Variants in CCDC148 observed in about 807,000 individuals in gnomAD.
The protein encoded by CCDC148 is coiled-coil domain-containing protein 148.
Under a neutral mutation model 85.7 loss-of-function variants are expected in CCDC148, and 89 were observed. The ratio of observed to expected loss-of-function variants is 1.04; its 90% CI spans 0.87 to 1.24. CCDC148 has a LOEUF of 1.24. Among genes scored for constraint, CCDC148 ranks in the 50% most tolerant of loss-of-function variants. The pLI is 0.00. For missense variants in CCDC148, 692 were observed against 671.7 expected (o/e 1.03, Z -0.33); for synonymous variants, 230 against 213.9 (o/e 1.08, Z -0.66).
rs554898110 is a variant in CCDC148 at position 158,187,721 on chromosome 2, C to T, written c.1371-8725G>A. On this transcript the variant is annotated intron_variant, in intron 11 of 13. Transcript: ENST00000283233. ...TTCATTCCTTTTACCAGCTTCTCCT[C>T]GTCTGTCTACCCAAAGTTCCAACAT... 1.5e-4 allele frequency among the ~76,000 whole-genome samples: 23 copies of T among 152,096 alleles called. No homozygotes were observed. The East Asian group carries it at 1.6e-3, about 10-fold the overall frequency.
At chr2:158,330,785 G>C (rs1443939323) in intron 7 of CCDC148, among the ~76,000 whole-genome samples, 1 of 152,136 alleles carries the variant, frequency 6.6e-6, no homozygotes, top group Non-Finnish European at 1.5e-5. Flanking sequence ...AGAACTTCTA[G>C]TTTATTTGCA....
At chr2:158,173,693 C>T (rs1046380131) in intron 13 of CCDC148, among the ~76,000 whole-genome samples, 15 of 151,950 alleles carry the variant, frequency 9.9e-5, no homozygotes, top group African/African-American at 3.1e-4. Flanking sequence ...AAGAATAATA[C>T]AGAGATTTGT....
intron 9 of CCDC148, among the ~76,000 whole-genome samples, chr2:158,261,283 C>T (rs559399598): frequency 3.9e-5 from 6 of 152,000 alleles, no homozygotes; most frequent in Admixed American, 6.6e-5. Flanking sequence ...ACTCCCTATT[C>T]AATAAACGGT....
At chr2:158,406,613 C>CTTTTTTT (rs61612452) in intron 1 of CCDC148, among the ~76,000 whole-genome samples, 4 of 31,448 alleles carry the variant, frequency 1.3e-4, no homozygotes, top group African/African-American at 3.9e-4. Flanking sequence ...GATTAAATTT[C>CTTTTTTT]TTTTTTTTTT....
chr2:158,268,119 T>C (rs551201791), intron 9 of CCDC148, among the ~76,000 whole-genome samples: 2 of 152,210 alleles, frequency 1.3e-5, no homozygotes, highest in African/African-American at 2.4e-5. Flanking sequence ...ATCAGTAGCA[T>C]TGCTGAGTCG....
At chr2:158,270,847 T>C (rs550128708) in intron 9 of CCDC148, among the ~76,000 whole-genome samples, 16 of 152,204 alleles carry the variant, frequency 1.1e-4, no homozygotes, top group Admixed American at 2.6e-4. Flanking sequence ...ATTTTCAAAA[T>C]GGTAAAAGCT....
intron 1 of CCDC148, among the ~76,000 whole-genome samples, chr2:158,376,100 C>G (rs1233021717): frequency 1.3e-5 from 2 of 152,016 alleles, no homozygotes; most frequent in African/African-American, 4.8e-5. Flanking sequence ...AAAAATTGTT[C>G]TAGAAAAACA....
chr2:158,410,590 G>A (rs1421095310), intron 1 of CCDC148, among the ~76,000 whole-genome samples: 2 of 151,860 alleles, frequency 1.3e-5, no homozygotes, highest in African/African-American at 4.8e-5. Flanking sequence ...ATTTTAAATC[G>A]ATATCAACAA....
intron 9 of CCDC148, among the ~76,000 whole-genome samples, chr2:158,296,022 T>G (rs1691171418): frequency 6.6e-6 from 1 of 152,238 alleles, no homozygotes; most frequent in Admixed American, 6.5e-5. Flanking sequence ...AATATTTTCT[T>G]CTAGTGGATG....
chr2:158,400,887 A>G (rs897379817), intron 1 of CCDC148, among the ~76,000 whole-genome samples: 2 of 152,232 alleles, frequency 1.3e-5, no homozygotes, highest in Non-Finnish European at 2.9e-5. Context: ...AAAAGTGGGC[A>G]AAGGATATGA....
intron 1 of CCDC148, among the ~76,000 whole-genome samples, chr2:158,358,890 C>G (rs898447720): frequency 6.6e-6 from 1 of 151,884 alleles, no homozygotes; most frequent in South Asian, 2.1e-4. Flanking sequence ...ACTGTTAACC[C>G]ATTCTTTTTA....
chr2:158,342,238 T>C (rs551898502), intron 3 of CCDC148, among the ~76,000 whole-genome samples: 20 of 151,816 alleles, frequency 1.3e-4, no homozygotes, highest in Non-Finnish European at 2.4e-4. Context: ...CCATGTTGGC[T>C]AGGCTAGTCT....
chr2:158,227,652 G>A (rs573970414), intron 10 of CCDC148, among the ~76,000 whole-genome samples: 11 of 152,024 alleles, frequency 7.2e-5, no homozygotes, highest in South Asian at 2.1e-4. Context: ...AAATAATGCC[G>A]CATATCTACA....
At chr2:158,173,165 C>CTA (rs971468556) in intron 13 of CCDC148, among the ~76,000 whole-genome samples, 1 of 151,996 alleles carries the variant, frequency 6.6e-6, no homozygotes, top group African/African-American at 2.4e-5. Context: ...AGCAATTGAA[C>CTA]TACCCTTAAA....
At chr2:158,292,522 T>C (rs923714004) in intron 9 of CCDC148, among the ~76,000 whole-genome samples, 10 of 152,334 alleles carry the variant, frequency 6.6e-5, no homozygotes, top group African/African-American at 2.2e-4. Flanking sequence ...TGAAATTCTC[T>C]TGATAAAAGC....
intron 7 of CCDC148, among the ~76,000 whole-genome samples, chr2:158,315,930 G>A (rs781177025): frequency 2.6e-5 from 4 of 152,128 alleles, no homozygotes; most frequent in African/African-American, 4.8e-5. Flanking sequence ...AGCAAACCAT[G>A]GCCAGTCTCC....
chr2:158,406,373 G>A (rs1015342745), intron 1 of CCDC148, among the ~76,000 whole-genome samples: 1 of 152,014 alleles, frequency 6.6e-6, no homozygotes, highest in Non-Finnish European at 1.5e-5. Context: ...CATGGTGCTC[G>A]CTAGGCCACA....
At chr2:158,212,699 T>C (rs1017731693) in intron 11 of CCDC148, among the ~76,000 whole-genome samples, 2 of 152,218 alleles carry the variant, frequency 1.3e-5, no homozygotes, top group Non-Finnish European at 2.9e-5. Flanking sequence ...TTTTTTGTAC[T>C]GTGGAAAGCA....
intron 10 of CCDC148, among the ~76,000 whole-genome samples, chr2:158,229,925 C>A (rs995756933): frequency 1.1e-4 from 17 of 152,102 alleles, no homozygotes; most frequent in African/African-American, 4.1e-4. Context: ...TCGCTTTTTC[C>A]CATGTGCACA....
Sources: allele counts gnomAD v4.1 joint callset (sites outside exome capture counted in the v4.1 genomes callset), GRCh38; gene constraint gnomAD v4.1.1; transcripts MANE v1.5; gene names NCBI Gene and HGNC (gene_info 2026-07-23, HGNC 2026-07-21).